The following LDLRAD4 variants were observed in gnomAD, a reference collection of about 807,000 sequenced individuals.
LDLRAD4 encodes the protein low density lipoprotein receptor class A domain containing 4.
A neutral mutation model predicts 17.0 loss-of-function variants in LDLRAD4; 5 were observed. That is an observed-to-expected ratio of 0.29 (90% confidence interval 0.15 to 0.62). The LOEUF (loss-of-function observed/expected upper bound fraction) is 0.62. Among genes scored for constraint, LDLRAD4 ranks in the 20% least tolerant of loss-of-function variants. The pLI is 0.84. For missense variants in LDLRAD4, 340 were observed against 424.7 expected (o/e 0.80, Z 1.75); for synonymous variants, 168 against 171.8 (o/e 0.98, Z 0.17).
At chr18:13,606,121 A>C (rs2095221582) in intron 3 of LDLRAD4, among the ~76,000 whole-genome samples, 1 of 152,194 alleles carries the variant, frequency 6.6e-6, no homozygotes, top group South Asian at 2.1e-4. Flanking sequence ...AAACGCACCC[A>C]GCTCAACCTA....
At chr18:13,362,749 G>A (rs2083761558) in intron 1 of LDLRAD4, among the ~76,000 whole-genome samples, 1 of 152,226 alleles carries the variant, frequency 6.6e-6, no homozygotes, top group Admixed American at 6.5e-5. Flanking sequence ...AGTTATTCTT[G>A]AGTAAGAGTT....
At chr18:13,426,327 A>G (rs2089933621) in intron 2 of LDLRAD4, among the ~76,000 whole-genome samples, 1 of 152,240 alleles carries the variant, frequency 6.6e-6, no homozygotes, top group Non-Finnish European at 1.5e-5. Flanking sequence ...TTAGTACTAT[A>G]AAGAAGTTCT....
intron 3 of LDLRAD4, among the ~76,000 whole-genome samples, chr18:13,553,739 A>T (rs2094457530): frequency 6.6e-6 from 1 of 152,172 alleles, no homozygotes; most frequent in Non-Finnish European, 1.5e-5. Flanking sequence ...CTTCGCATGG[A>T]AACATTCGCC....
chr18:13,342,075 G>T (rs1356738835), intron 1 of LDLRAD4, among the ~76,000 whole-genome samples: 1 of 152,020 alleles, frequency 6.6e-6, no homozygotes, highest in African/African-American at 2.4e-5. Flanking sequence ...TGCATTCCAA[G>T]AATAAATTTC....
At chr18:13,583,559 C>T (rs988869648) in intron 3 of LDLRAD4, among the ~76,000 whole-genome samples, 10 of 152,028 alleles carry the variant, frequency 6.6e-5, no homozygotes, top group East Asian at 5.8e-4. Flanking sequence ...CGAGTTTGGC[C>T]GCTGAGATAT....
chr18:13,501,315 T>A (rs1049345386), intron 3 of LDLRAD4: 2 of 152,196 alleles, frequency 1.3e-5, no homozygotes, highest in African/African-American at 4.8e-5. Context: ...AGTAGAAATA[T>A]TTACCCGATG....
intron 3 of LDLRAD4, among the ~76,000 whole-genome samples, chr18:13,502,862 G>T (rs1009687007): frequency 1.3e-5 from 2 of 152,250 alleles, no homozygotes; most frequent in South Asian, 4.1e-4. Context: ...GAAGCAGTCT[G>T]GCTGGCAGCC....
intron 3 of LDLRAD4, chr18:13,615,220 C>T (rs2039966324): frequency 6.6e-6 from 1 of 152,224 alleles, no homozygotes; most frequent in South Asian, 2.1e-4. Context: ...GGATTCCTGC[C>T]AAGGTGTTTA....
At chr18:13,284,106 A>G (rs1196449691) in intron 1 of LDLRAD4, among the ~76,000 whole-genome samples, 1 of 152,332 alleles carries the variant, frequency 6.6e-6, no homozygotes, top group African/African-American at 2.4e-5. Flanking sequence ...AACACAGCCA[A>G]ACCAAATCAA....
intron 2 of LDLRAD4, among the ~76,000 whole-genome samples, chr18:13,427,878 T>TA (rs35031893): frequency 0.41 from 62,899 of 151,786 alleles, 14,062 homozygotes; most frequent in Non-Finnish European, 0.5. Flanking sequence ...CTAGTGAGGA[T>TA]ATTTACTCAG....
intron 1 of LDLRAD4, among the ~76,000 whole-genome samples, chr18:13,244,702 A>G (rs1469687380): frequency 6.6e-6 from 1 of 152,078 alleles, no homozygotes; most frequent in Non-Finnish European, 1.5e-5. Flanking sequence ...TCTTCCCCCA[A>G]GACACACCCT....
intron 3 of LDLRAD4, among the ~76,000 whole-genome samples, chr18:13,619,288 G>A (rs1453900581): frequency 6.6e-6 from 1 of 152,130 alleles, no homozygotes; most frequent in African/African-American, 2.4e-5. Flanking sequence ...GTTATGTGCA[G>A]GGGCAGAGTC....
At chr18:13,426,179 T>C (rs901056367) in intron 2 of LDLRAD4, 3 of 152,434 alleles carry the variant, frequency 2.0e-5, no homozygotes, top group Admixed American at 6.5e-5. Context: ...CAGTGTTCCA[T>C]TGAGGATAAT....
chr18:13,554,527 C>T (rs532618377), intron 3 of LDLRAD4, among the ~76,000 whole-genome samples: 3 of 151,916 alleles, frequency 2.0e-5, no homozygotes, highest in African/African-American at 7.2e-5. Flanking sequence ...CATGTGTAGA[C>T]GGCATCAGCA....
intron 1 of LDLRAD4, among the ~76,000 whole-genome samples, chr18:13,291,410 G>A (rs900510017): frequency 7.2e-5 from 11 of 152,204 alleles, no homozygotes; most frequent in African/African-American, 2.4e-4. Context: ...AAATGTTGGC[G>A]CTGGCAAAAG....
chr18:13,269,382 T>C (rs538998583), intron 1 of LDLRAD4, among the ~76,000 whole-genome samples: 1 of 152,312 alleles, frequency 6.6e-6, no homozygotes, highest in African/African-American at 2.4e-5. Context: ...AAACACTGGC[T>C]CAATGAAATG....
At chr18:13,272,336 C>A (rs898883805) in intron 1 of LDLRAD4, among the ~76,000 whole-genome samples, 5 of 152,164 alleles carry the variant, frequency 3.3e-5, no homozygotes, top group African/African-American at 9.7e-5. Context: ...GAACTGTGCC[C>A]CAGCAATGGC....
At chr18:13,512,180 G>A (rs9957909) in intron 3 of LDLRAD4, among the ~76,000 whole-genome samples, 2,745 of 152,266 alleles carry the variant, frequency 0.018, 72 homozygotes, top group African/African-American at 0.062. Flanking sequence ...GGCTGAGTAA[G>A]AAAATGTGGC....
At chr18:13,577,262 T>G (rs2094787438) in intron 3 of LDLRAD4, among the ~76,000 whole-genome samples, 1 of 152,098 alleles carries the variant, frequency 6.6e-6, no homozygotes, top group Admixed American at 6.5e-5. Context: ...TTTGGGAAAT[T>G]AGGCTAATAT....
Sources: gnomAD v4.1 joint callset for allele counts (sites outside exome capture counted in the v4.1 genomes callset) on GRCh38, gnomAD v4.1.1 for gene constraint, MANE v1.5 for transcripts, NCBI Gene and HGNC (gene_info 2026-07-23, HGNC 2026-07-21) for gene names.